ST3GAL3: variants seen among roughly 807,000 people sequenced by gnomAD.
The protein encoded by ST3GAL3 is ST3 beta-galactoside alpha-2,3-sialyltransferase 3.
Under a neutral mutation model 50.1 loss-of-function variants are expected in ST3GAL3, and 21 were observed. The observed-to-expected ratio is 0.42, with a 90% CI of 0.30 to 0.60. The LOEUF (loss-of-function observed/expected upper bound fraction) is 0.60. Among genes scored for constraint, ST3GAL3 ranks in the 20% least tolerant of loss-of-function variants. ST3GAL3 has a pLI of 0.19. For synonymous variants in ST3GAL3, 183 were observed against 190.0 expected (o/e 0.96, Z 0.30); for missense variants, 353 against 489.4 (o/e 0.72, Z 2.63).
intron 3 of ST3GAL3, among the ~76,000 whole-genome samples, chr1:43,803,166 C>T (rs569623434): frequency 8.5e-5 from 13 of 152,196 alleles, no homozygotes; most frequent in South Asian, 8.3e-4. Context: ...CCTTGTGATC[C>T]GCCCGCGTTG....
chr1:43,885,607 A>T (rs1239903815), intron 5 of ST3GAL3, among the ~76,000 whole-genome samples: 1 of 152,182 alleles, frequency 6.6e-6, no homozygotes, highest in Non-Finnish European at 1.5e-5. Flanking sequence ...CAGGCCCCCA[A>T]ACTGGCACAC....
chr1:43,792,288 A>G, intron 3 of ST3GAL3, 139 bp downstream of exon 3: 5 of 1,122,966 alleles, frequency 4.5e-6, no homozygotes, highest in Admixed American at 3.5e-5. Flanking sequence ...AAGCCTTTCT[A>G]GAGACTTTAT....
intron 2 of ST3GAL3, among the ~76,000 whole-genome samples, chr1:43,770,674 C>T (rs1259950378): frequency 6.6e-6 from 1 of 152,086 alleles, no homozygotes; most frequent in Non-Finnish European, 1.5e-5. Flanking sequence ...GAGAGTACTA[C>T]AGATGCACAT....
chr1:43,778,893 C>T (rs1331204826), intron 2 of ST3GAL3, among the ~76,000 whole-genome samples: 1 of 151,976 alleles, frequency 6.6e-6, no homozygotes, highest in Non-Finnish European at 1.5e-5. Context: ...GTGATCCACC[C>T]GCCTCGTCCT....
At chr1:43,722,671 CTT>C (rs1671050239) in intron 1 of ST3GAL3, among the ~76,000 whole-genome samples, 1 of 152,044 alleles carries the variant, frequency 6.6e-6, no homozygotes, top group African/African-American at 2.4e-5. Flanking sequence ...ATTTGTAGGA[CTT>C]GATTGATTAT....
intron 9 of ST3GAL3, among the ~76,000 whole-genome samples, chr1:43,917,623 TA>T (rs2082232842): frequency 1.3e-5 from 1 of 77,506 alleles, no homozygotes; most frequent in Non-Finnish European, 2.3e-5. Context: ...TATATTATAT[TA>T]TATATAATAT....
intron 2 of ST3GAL3, among the ~76,000 whole-genome samples, chr1:43,761,950 CAAAA>C (rs67747915): frequency 2.9e-5 from 2 of 68,880 alleles, no homozygotes; most frequent in South Asian, 4.5e-4. Flanking sequence ...CACTCTGTCT[CAAAA>C]AAAAAAAAAA....
chr1:43,854,846 T>A (rs936711478), intron 5 of ST3GAL3, among the ~76,000 whole-genome samples: 11 of 152,206 alleles, frequency 7.2e-5, no homozygotes, highest in Admixed American at 6.5e-4. Context: ...TAACCAGATA[T>A]CTAATGAGTC....
At chr1:43,793,813 T>C (rs2058368478) in intron 3 of ST3GAL3, among the ~76,000 whole-genome samples, 2 of 152,190 alleles carry the variant, frequency 1.3e-5, no homozygotes, top group Admixed American at 6.5e-5. Flanking sequence ...ATGGGCATAG[T>C]GGCTCACACC....
chr1:43,794,153 C>A (rs969378407), intron 3 of ST3GAL3, among the ~76,000 whole-genome samples: 1 of 150,164 alleles, frequency 6.7e-6, no homozygotes, highest in Non-Finnish European at 1.5e-5. Context: ...AAAAAAATAT[C>A]TTTACAACAC....
chr1:43,742,775 A>G (rs1681541778), intron 2 of ST3GAL3, among the ~76,000 whole-genome samples: 1 of 152,248 alleles, frequency 6.6e-6, no homozygotes, highest in African/African-American at 2.4e-5. Context: ...CTAGACCTGA[A>G]AAGTGTAGTA....
At position 43,851,168 on chromosome 1, in the gene ST3GAL3, C is replaced by G. The variant is rs771721467; in HGVS notation, c.302+12857C>G. 5 of 1,366,566 alleles carry G rather than the reference C, an allele frequency of 3.7e-6. No homozygotes were observed. The South Asian group carries it at 5.8e-5, about 16-fold the overall frequency. 84.7% of individuals were successfully genotyped at this position (1,366,566 alleles called of 1,614,324 possible). A position where few individuals can be genotyped will look rare whatever the true frequency, so the allele number is the denominator to read the frequency against. On this transcript the variant is annotated intron_variant, in intron 5 of 11. Transcript: ENST00000347631. ...ACTGATCAGCTTCGGGTGGAAGAGG[C>G]GGGTGTTCTCCTCCAGCTGGTCATA...
chr1:43,797,880 A>G (rs539390783), intron 3 of ST3GAL3, among the ~76,000 whole-genome samples: 4 of 152,370 alleles, frequency 2.6e-5, no homozygotes, highest in Non-Finnish European at 4.4e-5. Flanking sequence ...AACTGAGTTT[A>G]GCAAGATGAC....
At chr1:43,719,179 T>C (rs1275414025) in intron 1 of ST3GAL3, 1 of 152,256 alleles carries the variant, frequency 6.6e-6, no homozygotes, top group East Asian at 1.9e-4. Context: ...AGATAAGGTT[T>C]AATGTAAGAA....
intron 11 of ST3GAL3, among the ~76,000 whole-genome samples, chr1:43,925,777 A>G (rs932682976): frequency 6.6e-6 from 1 of 152,242 alleles, no homozygotes; most frequent in Non-Finnish European, 1.5e-5. Flanking sequence ...TAAAGGAGAC[A>G]GAGGAATCAG....
At chr1:43,908,647 A>G (rs906437707) in intron 9 of ST3GAL3, among the ~76,000 whole-genome samples, 14 of 141,034 alleles carry the variant, frequency 9.9e-5, no homozygotes, top group African/African-American at 3.1e-4. Flanking sequence ...TTTTTTTTTG[A>G]AATGGAGTTT....
intron 1 of ST3GAL3, among the ~76,000 whole-genome samples, chr1:43,720,065 A>C (rs2154071075): frequency 6.6e-6 from 1 of 152,034 alleles, no homozygotes; most frequent in South Asian, 2.1e-4. Context: ...CAACACAGTG[A>C]GACCCCATCT....
chr1:43,831,761 A>C (rs1422036589), intron 4 of ST3GAL3: 1 of 152,240 alleles, frequency 6.6e-6, no homozygotes, highest in Non-Finnish European at 1.5e-5. Flanking sequence ...ATGAACACAC[A>C]CCAGTGTCAG....
At chr1:43,769,209 G>A (rs1362142303) in intron 2 of ST3GAL3, among the ~76,000 whole-genome samples, 1 of 152,170 alleles carries the variant, frequency 6.6e-6, no homozygotes, top group Non-Finnish European at 1.5e-5. Context: ...AATTCAGCAT[G>A]TGTTGATGCT....
Sources: gnomAD v4.1 joint callset for allele counts (sites outside exome capture counted in the v4.1 genomes callset) on GRCh38, gnomAD v4.1.1 for gene constraint, MANE v1.5 for transcripts, NCBI Gene and HGNC (gene_info 2026-07-23, HGNC 2026-07-21) for gene names.